INVS: variants seen among roughly 807,000 people sequenced by gnomAD.
The protein encoded by INVS is inversion of embryo turning homolog.
Under a neutral mutation model 108.8 loss-of-function variants are expected in INVS, and 86 were observed. That is an observed-to-expected ratio of 0.79 (90% CI 0.66 to 0.95). The LOEUF (loss-of-function observed/expected upper bound fraction) is 0.95, where lower values mean the gene tolerates loss of function less well. Ranked by LOEUF, INVS falls within the 40% of genes least tolerant of loss-of-function variation. The probability of loss-of-function intolerance (pLI) is 0.00; values close to 1 mark genes in which losing one functional copy is unlikely to be tolerated. For missense variants in INVS, 1,169 were observed against 1,297.4 expected, an observed-to-expected ratio of 0.90 and a Z score of 1.52; for synonymous variants, 455 against 473.5, an observed-to-expected ratio of 0.96 and a Z score of 0.51.
intron 11 of INVS, among the ~76,000 whole-genome samples, chr9:100,271,782 T>C (rs535618547): frequency 2.3e-4 from 35 of 152,346 alleles, no homozygotes; most frequent in African/African-American, 7.9e-4. Flanking sequence ...TGGGAACTGT[T>C]ATCTTTGTCT....
At position 100,242,708 on chromosome 9, in the gene INVS, T is replaced by C. The variant is rs748502174; in HGVS notation, c.906+29T>C. 4.7e-6 allele frequency: 6 copies of C among 1,277,688 alleles called. No individual in the cohort carries two copies. In the East Asian group the frequency reaches 9.3e-5, roughly 20 times the overall value. 79.1% of individuals were successfully genotyped at this position (1,277,688 alleles called of 1,614,324 possible). On this transcript the variant is annotated intron_variant, in intron 7 of 16. Transcript: ENST00000262457. ...AGTAAAACAAGACAATGCTCTTTTT[T>C]CTTAGTGAAAATTGTTATTTTTATA...
intron 3 of INVS, among the ~76,000 whole-genome samples, chr9:100,165,898 A>G (rs563680067): frequency 6.6e-6 from 1 of 152,260 alleles, no homozygotes; most frequent in South Asian, 2.1e-4. Context: ...TTTAGTAGGA[A>G]AAAGTATTTG....
chr9:100,254,426 T>C (rs1370719628), intron 10 of INVS, among the ~76,000 whole-genome samples: 1 of 152,218 alleles, frequency 6.6e-6, no homozygotes, highest in Non-Finnish European at 1.5e-5. Flanking sequence ...TTTAATTAGA[T>C]CCCATTTGTC....
chr9:100,259,157 G>T (rs551320825), intron 10 of INVS, among the ~76,000 whole-genome samples: 1 of 152,190 alleles, frequency 6.6e-6, no homozygotes, highest in Non-Finnish European at 1.5e-5. Flanking sequence ...CTGCCTTGCA[G>T]TTCGATCTCA....
At chr9:100,159,920 A>G (rs1829115478) in intron 3 of INVS, among the ~76,000 whole-genome samples, 1 of 152,176 alleles carries the variant, frequency 6.6e-6, no homozygotes, top group African/African-American at 2.4e-5. Context: ...CGTAATGAAA[A>G]TGCTGCCCTG....
intron 3 of INVS, 36 bp downstream of exon 3, chr9:100,126,585 T>A: frequency 6.3e-7 from 1 of 1,596,404 alleles, no homozygotes; most frequent in East Asian, 2.2e-5. Context: ...GTAAATGTTT[T>A]GTGTGATGTC....
At chr9:100,171,129 A>T (rs1295716359) in intron 3 of INVS, among the ~76,000 whole-genome samples, 1 of 152,206 alleles carries the variant, frequency 6.6e-6, no homozygotes, top group Non-Finnish European at 1.5e-5. Context: ...GAATATGTAC[A>T]GTCACATGCC....
chr9:100,116,874 C>T (rs1442467797), intron 2 of INVS: 4 of 1,269,166 alleles, frequency 3.2e-6, no homozygotes, highest in Non-Finnish European at 3.3e-6. Context: ...TTCCAGAGGT[C>T]GGGGGTCAGG....
At chr9:100,214,209 A>T (rs139437613) in intron 3 of INVS, among the ~76,000 whole-genome samples, 1 of 152,308 alleles carries the variant, frequency 6.6e-6, no homozygotes, top group East Asian at 1.9e-4. Flanking sequence ...GAGAAAGTAG[A>T]TCTTACTTTA....
At chr9:100,166,605 A>G (rs1182375848) in intron 3 of INVS, among the ~76,000 whole-genome samples, 1 of 152,200 alleles carries the variant, frequency 6.6e-6, no homozygotes, top group Non-Finnish European at 1.5e-5. Context: ...CAATTCAACT[A>G]ACACACACTG....
intron 5 of INVS, among the ~76,000 whole-genome samples, chr9:100,233,629 A>G (rs1250752066): frequency 9.2e-5 from 14 of 152,140 alleles, no homozygotes. Flanking sequence ...TGAGATAATC[A>G]TGTGGTTTTT....
intron 3 of INVS, among the ~76,000 whole-genome samples, chr9:100,189,805 G>C (rs1253089594): frequency 6.6e-6 from 1 of 151,832 alleles, no homozygotes; most frequent in Non-Finnish European, 1.5e-5. Flanking sequence ...GGCCAGGTTG[G>C]TCTTGAACTC....
intron 8 of INVS, among the ~76,000 whole-genome samples, chr9:100,249,211 T>C (rs138334079): frequency 2.8e-4 from 42 of 152,252 alleles, no homozygotes; most frequent in African/African-American, 1.0e-3. Flanking sequence ...TGGAGCATTA[T>C]CCACTCGACT....
chr9:100,101,822 T>C (rs1342074395), intron 1 of INVS: 1 of 152,206 alleles, frequency 6.6e-6, no homozygotes, highest in Non-Finnish European at 1.5e-5. Flanking sequence ...TCCCTTTAGA[T>C]AAGTACATAT....
chr9:100,116,845 A>G, intron 2 of INVS: 1 of 1,256,992 alleles, frequency 8.0e-7, no homozygotes, highest in Non-Finnish European at 1.1e-6. Context: ...CCTGACAGGG[A>G]GACTTGGTAA....
chr9:100,299,885 T>A (rs1305581613), intron 16 of INVS, among the ~76,000 whole-genome samples: 1 of 152,120 alleles, frequency 6.6e-6, no homozygotes. Context: ...TTAAAATAAT[T>A]TTGTGGAAGT....
At chr9:100,118,788 G>A (rs1455743381) in intron 2 of INVS, among the ~76,000 whole-genome samples, 1 of 151,980 alleles carries the variant, frequency 6.6e-6, no homozygotes, top group Non-Finnish European at 1.5e-5. Flanking sequence ...AGTCTCCTGA[G>A]TAGCTAGAAT....
In INVS at chr9:100,288,747, GGTGGCTAGGACCATA is replaced by G. The variant is rs1435521487; in HGVS notation, c.2069-3577_2069-3563del. On this transcript the variant is annotated intron_variant, in intron 13 of 16. Coordinates refer to ENST00000262457, the MANE Select transcript of INVS (RefSeq NM_014425.5). ...GTGATCCCCCCATCTCAGCCTCCCG[GGTGGCTAGGACCATA>G]GGTGTGCGCTACCATGCCTGGCTAA... Among the ~76,000 whole-genome samples, 22 of 151,914 alleles carry G rather than the reference GGTGGCTAGGACCATA, an allele frequency of 1.4e-4. No homozygotes were observed. In the Middle Eastern group the frequency reaches 0.01, roughly 70 times the overall value.
At chr9:100,191,889 T>C (rs1051717841) in intron 3 of INVS, among the ~76,000 whole-genome samples, 1 of 152,176 alleles carries the variant, frequency 6.6e-6, no homozygotes, top group African/African-American at 2.4e-5. Context: ...GATGTAACTT[T>C]AATGTTTACA....
Sources: gnomAD v4.1 joint callset for allele counts (sites outside exome capture counted in the v4.1 genomes callset) on GRCh38, gnomAD v4.1.1 for gene constraint, MANE v1.5 for transcripts, NCBI Gene and HGNC (gene_info 2026-07-23, HGNC 2026-07-21) for gene names.